DPP6: variants seen among roughly 807,000 people sequenced by gnomAD.
The protein encoded by DPP6 is dipeptidyl peptidase like 6.
DPP6 carries 69 observed loss-of-function variants against 122.6 expected under a neutral mutation model. The observed-to-expected ratio is 0.56, with a 90% CI of 0.46 to 0.69. DPP6 has a LOEUF of 0.69. Ranked by LOEUF, DPP6 falls within the 30% of genes least tolerant of loss-of-function variation. The pLI is 0.00. For missense variants in DPP6, 928 were observed against 1,116.9 expected, an observed-to-expected ratio of 0.83 and a Z score of 2.41; for synonymous variants, 418 against 433.1, an observed-to-expected ratio of 0.97 and a Z score of 0.43.
chr7:154,393,283 T>G (rs1814782184), intron 1 of DPP6, among the ~76,000 whole-genome samples: 1 of 152,166 alleles, frequency 6.6e-6, no homozygotes, highest in African/African-American at 2.4e-5. Context: ...ATCTGAATGC[T>G]CTGTGCTAAA....
intron 1 of DPP6, among the ~76,000 whole-genome samples, chr7:154,363,873 AT>A (rs1374777947): frequency 6.6e-5 from 10 of 152,160 alleles, no homozygotes; most frequent in African/African-American, 2.4e-4. Context: ...TGTCTGAAAC[AT>A]TTTTATCTGC....
chr7:153,970,480 C>T (rs577257017), intron 1 of DPP6, among the ~76,000 whole-genome samples: 13 of 152,190 alleles, frequency 8.5e-5, no homozygotes, highest in Non-Finnish European at 1.3e-4. Flanking sequence ...TTTGAAGAGC[C>T]GAGTCTTTTA....
rs188954725 is a variant in DPP6, at chr7:154,495,062, C to A, written c.457+20025C>A. ...TAACTAGGACATTGCCATGTAGAGGCGTCTGGTATGAGGAGGGAGCAGGGA... is the reference window on the plus strand; with the variant it reads ...TAACTAGGACATTGCCATGTAGAGGAGTCTGGTATGAGGAGGGAGCAGGGA... On this transcript the variant is annotated intron_variant, in intron 3 of 25. Transcript: ENST00000377770. Among the ~76,000 whole-genome samples, 136 of 152,250 alleles carry A rather than the reference C, an allele frequency of 8.9e-4. 1 individual carries two copies. The highest frequency in any genetic ancestry group is 3.1e-3 in the African/African-American group (130 of 41,550).
intron 1 of DPP6, among the ~76,000 whole-genome samples, chr7:153,950,940 G>A (rs1402211247): frequency 2.6e-5 from 4 of 152,202 alleles, no homozygotes; most frequent in Non-Finnish European, 5.9e-5. Context: ...GCCCTAGGGA[G>A]AGAAGACAGG....
chr7:154,864,004 G>T (rs3892146), intron 17 of DPP6, among the ~76,000 whole-genome samples: 1 of 152,030 alleles, frequency 6.6e-6, no homozygotes, highest in East Asian at 1.9e-4. Context: ...ACTGATGGCC[G>T]CAGGGGAAGG....
At chr7:153,778,270 G>A in the DPP6 span, among the ~76,000 whole-genome samples, 12 of 151,646 alleles carry the variant, frequency 7.9e-5, no homozygotes, top group Admixed American at 2.0e-4. Flanking sequence ...GGGTGTTGGA[G>A]GGAGCTTGGT....
chr7:154,693,134 A>C (rs556515203), intron 7 of DPP6, among the ~76,000 whole-genome samples: 64 of 151,370 alleles, frequency 4.2e-4, no homozygotes, highest in Non-Finnish European at 8.0e-4. Context: ...ACTTGACCAG[A>C]GGTCTTTTTA....
chr7:154,214,807 A>T (rs1799913671), intron 1 of DPP6, among the ~76,000 whole-genome samples: 1 of 152,116 alleles, frequency 6.6e-6, no homozygotes, highest in African/African-American at 2.4e-5. Flanking sequence ...AGTCCTAGCT[A>T]GTTAGGAGGC....
At chr7:154,563,297 A>C (rs1830544128) in intron 4 of DPP6, among the ~76,000 whole-genome samples, 1 of 152,182 alleles carries the variant, frequency 6.6e-6, no homozygotes, top group Non-Finnish European at 1.5e-5. Flanking sequence ...GATGGGACTG[A>C]GGGGAGAATA....
At chr7:154,855,743 G>A (rs11243323) in intron 17 of DPP6, among the ~76,000 whole-genome samples, 78,074 of 152,122 alleles carry the variant, frequency 0.51, 20,392 homozygotes, top group East Asian at 0.79. Context: ...GTGAATGTTT[G>A]AAACACCTGT....
rs575959812 is a variant in DPP6 at position 154,639,090 on chromosome 7, G to A, written c.680+1217G>A. Among the ~76,000 whole-genome samples, 44 of 152,330 alleles carry A rather than the reference G, an allele frequency of 2.9e-4. 1 individual carries two copies. In the South Asian group the frequency reaches 9.1e-3, roughly 32 times the overall value. On this transcript the variant is annotated intron_variant, in intron 6 of 25. Transcript: ENST00000377770. Reference sequence around the variant, plus strand: ...CATAGGTGAGCATTAATCACAGCATGAGCGTTTATAGCTGCTGCTCTCTGT... The same window carrying A: ...CATAGGTGAGCATTAATCACAGCATAAGCGTTTATAGCTGCTGCTCTCTGT...
intron 1 of DPP6, among the ~76,000 whole-genome samples, chr7:154,207,930 G>A (rs1799534985): frequency 2.6e-5 from 4 of 151,344 alleles, no homozygotes; most frequent in Admixed American, 2.6e-4. Context: ...ACTCCAGCCT[G>A]GGCAACAGAG....
intron 10 of DPP6, among the ~76,000 whole-genome samples, chr7:154,778,366 G>A (rs796734635): frequency 2.6e-5 from 4 of 152,106 alleles, no homozygotes; most frequent in African/African-American, 9.6e-5. Context: ...GGCCTTCTCT[G>A]CCTCCAGGCT....
intron 5 of DPP6, chr7:154,588,274 C>T: frequency 1.0e-6 from 1 of 966,676 alleles, no homozygotes; most frequent in East Asian, 2.7e-5. Flanking sequence ...AGAGATGCAG[C>T]AATGGACCCT....
Position 154,669,349 on chromosome 7 carries a change from T to A in DPP6, c.681-11T>A, listed in dbSNP as rs1050055966. 2 of 1,552,678 alleles carry A rather than the reference T, an allele frequency of 1.3e-6. No homozygotes were observed. Among genetic ancestry groups the A allele is most frequent in the Non-Finnish European group, 1.7e-6 (2 of 1,147,492 alleles). ...TTTTGCTTTGTTTTTGTTTGTTTGT[T>A]CAATTTTCAGGGATCCTCAAAGTCT... is the stretch of plus-strand genomic sequence containing the variant. On this transcript the variant is annotated splice_polypyrimidine_tract_variant and intron_variant, in intron 6 of 25. Coordinates refer to ENST00000377770, the MANE Select transcript of DPP6 (RefSeq NM_130797.4).
chr7:154,804,817 G>A (rs554096195), intron 14 of DPP6, 100 bp from the exon 15 acceptor site: 20 of 1,509,834 alleles, frequency 1.3e-5, no homozygotes, highest in Middle Eastern at 1.7e-4. Context: ...GGCCATGGGC[G>A]GCAGTCCCTG....
intron 1 of DPP6, among the ~76,000 whole-genome samples, chr7:153,944,913 A>G (rs1401737631): frequency 6.6e-6 from 1 of 152,064 alleles, no homozygotes; most frequent in Non-Finnish European, 1.5e-5. Flanking sequence ...AGACACAGGA[A>G]CTGTCTTTCT....
intron 1 of DPP6, among the ~76,000 whole-genome samples, chr7:154,259,509 G>A (rs73727925): frequency 0.11 from 16,256 of 152,224 alleles, 1,656 homozygotes; most frequent in African/African-American, 0.26. Flanking sequence ...CAGAGAAGTG[G>A]AGGTAATTGT....
At chr7:154,892,022 C>G (rs1264647116) in intron 25 of DPP6, among the ~76,000 whole-genome samples, 3 of 152,224 alleles carry the variant, frequency 2.0e-5, no homozygotes, top group East Asian at 3.9e-4. Context: ...CCAGTTCCCA[C>G]TGAGCATTTG....
Sources: gnomAD v4.1 joint callset for allele counts (sites outside exome capture counted in the v4.1 genomes callset) on GRCh38, gnomAD v4.1.1 for gene constraint, MANE v1.5 for transcripts, NCBI Gene and HGNC (gene_info 2026-07-23, HGNC 2026-07-21) for gene names.